The following FBXW10 variants were observed in gnomAD, a reference collection of about 807,000 sequenced individuals.
The protein encoded by FBXW10 is F-box and WD repeat domain containing 10.
A neutral mutation model predicts 113.1 loss-of-function variants in FBXW10; 68 were observed. That is an observed-to-expected ratio of 0.60 (90% CI 0.49 to 0.74). The LOEUF (loss-of-function observed/expected upper bound fraction) is 0.74. Ranked by LOEUF, FBXW10 falls within the 30% of genes least tolerant of loss-of-function variation. The pLI is 0.00. For synonymous variants in FBXW10, 289 were observed against 481.6 expected, an observed-to-expected ratio of 0.60 and a Z score of 5.24; for missense variants, 753 against 1,284.5, an observed-to-expected ratio of 0.59 and a Z score of 6.32.
intron 7 of FBXW10, among the ~76,000 whole-genome samples, chr17:18,759,950 G>C (rs543450107): frequency 2.0e-5 from 3 of 152,260 alleles, no homozygotes; most frequent in African/African-American, 7.2e-5. Flanking sequence ...AAAGAATGCT[G>C]CCAGAGACGG....
chr17:18,751,158 C>T, intron 5 of FBXW10, 105 bp downstream of exon 5: 21 of 1,451,958 alleles, frequency 1.4e-5, no homozygotes, highest in East Asian at 9.3e-5. Flanking sequence ...CAGAGGATCA[C>T]GGCAGGTGAC....
chr17:18,773,859 T>G (rs1379853229), intron 12 of FBXW10, among the ~76,000 whole-genome samples: 2 of 152,160 alleles, frequency 1.3e-5, no homozygotes, highest in African/African-American at 4.8e-5. Context: ...GTGCAAAGTT[T>G]GAGGGCAGCA....
intron 13 of FBXW10, among the ~76,000 whole-genome samples, chr17:18,777,577 TCTGTCGCC>T (rs1176938371): frequency 6.6e-6 from 1 of 151,316 alleles, no homozygotes; most frequent in Non-Finnish European, 1.5e-5. Flanking sequence ...TGAGTCTTGC[TCTGTCGCC>T]CAGGCTGGAG....
chr17:18,774,567 G>A (rs1233037021), intron 12 of FBXW10, among the ~76,000 whole-genome samples: 2 of 152,204 alleles, frequency 1.3e-5, no homozygotes, highest in African/African-American at 4.8e-5. Context: ...GCTGAGGCGG[G>A]TGGATCACCT....
At chr17:18,762,082 C>A (rs1010031397) in intron 7 of FBXW10, among the ~76,000 whole-genome samples, 1 of 151,958 alleles carries the variant, frequency 6.6e-6, no homozygotes, top group African/African-American at 2.4e-5. Context: ...CCTTCCTCAG[C>A]CTCCCGAGTA....
chr17:18,768,988 T>C (rs1197645670), intron 10 of FBXW10, among the ~76,000 whole-genome samples: 1 of 139,956 alleles, frequency 7.1e-6, no homozygotes, highest in Non-Finnish European at 1.5e-5. Context: ...CAGGCTGGAG[T>C]GCAGTGGCGC....
intron 7 of FBXW10, among the ~76,000 whole-genome samples, 164 bp from the exon 8 acceptor site, chr17:18,764,578 C>T (rs2035449984): frequency 6.6e-6 from 1 of 152,168 alleles, no homozygotes; most frequent in Non-Finnish European, 1.5e-5. Context: ...CAAAGTTACA[C>T]CAAATAGGTG....
chr17:18,767,590 T>C (rs1409690457), intron 9 of FBXW10, among the ~76,000 whole-genome samples: 4 of 152,120 alleles, frequency 2.6e-5, no homozygotes, highest in South Asian at 2.1e-4. Flanking sequence ...TTGAAAGTGA[T>C]TGGATGGTCA....
chr17:18,767,722 C>A (rs892663942), intron 9 of FBXW10, among the ~76,000 whole-genome samples: 4 of 152,110 alleles, frequency 2.6e-5, no homozygotes, highest in African/African-American at 9.7e-5. Flanking sequence ...AATTTCCCCA[C>A]CAATCTTGTC....
rs548325264 is a variant in FBXW10 at position 18,770,054 on chromosome 17, C to G, written c.1975C>G (p.Pro659Ala). The change falls in exon 11 of 14, where the codon CCT becomes GCT. Residue 659 changes from proline to alanine, a missense_variant. Pro to Ala is a conservative substitution (Grantham distance 27). Transcript: ENST00000395665. ...KVLKANGRGD[P>A]VLSFFIQGNR... Reference sequence around the variant, plus strand: ...GTTAAAAGCCAATGGCAGAGGTGATCCTGTGCTGTCCTTCTTTATTCAGGG... The same window carrying G: ...GTTAAAAGCCAATGGCAGAGGTGATGCTGTGCTGTCCTTCTTTATTCAGGG... 4.3e-6 allele frequency: 7 copies of G among 1,614,022 alleles called. No homozygotes were observed. Among genetic ancestry groups the G allele is most frequent in the Non-Finnish European group, 5.9e-6 (7 of 1,180,032 alleles).
intron 9 of FBXW10, among the ~76,000 whole-genome samples, chr17:18,768,059 T>C (rs150980523): frequency 1.3e-3 from 112 of 85,386 alleles, no homozygotes; most frequent in African/African-American, 3.5e-3. Context: ...TCCTTCTTTC[T>C]TTCTTTCTTT....
At position 18,744,195 on chromosome 17, in the gene FBXW10, G is replaced by A. The variant is rs369742505; in HGVS notation, c.-50G>A. ...CCCCGTTCCTCTAGTGTTTGGTGGC[G>A]TTGCCGTTGCAAGTGCGCAGGGCTA... On this transcript the variant is annotated 5_prime_UTR_variant, in exon 1 of 14. Transcript: ENST00000395665. 301 of 1,535,396 alleles carry A rather than the reference G, an allele frequency of 2.0e-4. No individual in the cohort carries two copies. The highest frequency in any genetic ancestry group is 8.2e-4 in the Admixed American group (42 of 51,006).
At chr17:18,771,537 A>G (rs1269497142) in intron 11 of FBXW10, among the ~76,000 whole-genome samples, 1 of 152,168 alleles carries the variant, frequency 6.6e-6, no homozygotes, top group Non-Finnish European at 1.5e-5. Context: ...TTTATAAAGT[A>G]TAGATGTTCT....
intron 2 of FBXW10, among the ~76,000 whole-genome samples, chr17:18,749,381 A>G (rs1295230410): frequency 6.6e-6 from 1 of 151,996 alleles, no homozygotes; most frequent in African/African-American, 2.4e-5. Context: ...TACTAAAAAA[A>G]AAAAAAATAC....
chr17:18,749,082 T>G (rs2035102376), intron 2 of FBXW10, among the ~76,000 whole-genome samples: 1 of 152,216 alleles, frequency 6.6e-6, no homozygotes, highest in Non-Finnish European at 1.5e-5. Flanking sequence ...ACTTTACCAA[T>G]TTTATTCCAT....
At chr17:18,755,671 C>T (rs1242309357) in intron 5 of FBXW10, among the ~76,000 whole-genome samples, 3 of 152,086 alleles carry the variant, frequency 2.0e-5, no homozygotes, top group South Asian at 2.1e-4. Flanking sequence ...TATGACGTTC[C>T]GACTTCTGTG....
intron 1 of FBXW10, among the ~76,000 whole-genome samples, chr17:18,747,337 G>A (rs1183056752): frequency 4.6e-5 from 7 of 152,140 alleles, no homozygotes; most frequent in Non-Finnish European, 1.0e-4. Flanking sequence ...GAGGCGGGTG[G>A]ATCACCTGGA....
rs866634648 is a variant in FBXW10, at chr17:18,772,637, A to G, written c.2232A>G (p.Lys744=). 2.5e-6 allele frequency: 4 copies of G among 1,614,052 alleles called. No homozygotes were observed. The Middle Eastern group carries it at 6.6e-4, about 266-fold the overall frequency. The change falls in exon 12 of 14, where the codon AAA becomes AAG. Residue 744 remains lysine, a synonymous_variant. Coordinates refer to ENST00000395665, the MANE Select transcript of FBXW10 (RefSeq NM_001267585.2). ...TGATCCAAGAGCTCCTACCAGGCAA[A>G]CCTCCCAAGTCCCGAGTACTCCTGA... ...QTVIQELLPG[K]PPKSRVLLKP...
At position 18,747,924 on chromosome 17, in the gene FBXW10, G is replaced by C. The variant is rs1391660346; in HGVS notation, c.506-17G>C. Reference sequence around the variant, plus strand: ...CCCGCTTCAAGAGCAACCTTGTCTTGGTCTTCTGTGTTTCAGGGCTCAATC... The same window carrying C: ...CCCGCTTCAAGAGCAACCTTGTCTTCGTCTTCTGTGTTTCAGGGCTCAATC... On this transcript the variant is annotated splice_polypyrimidine_tract_variant and intron_variant, in intron 1 of 13. Coordinates refer to ENST00000395665, the MANE Select transcript of FBXW10 (RefSeq NM_001267585.2). The C allele has an allele frequency of 6.2e-7, 1 of 1,613,574 alleles. No homozygotes were observed. The highest frequency in any genetic ancestry group is 8.5e-7 in the Non-Finnish European group (1 of 1,179,806).
Sources: allele counts gnomAD v4.1 joint callset (sites outside exome capture counted in the v4.1 genomes callset), GRCh38; gene constraint gnomAD v4.1.1; transcripts MANE v1.5; gene names NCBI Gene and HGNC (gene_info 2026-07-23, HGNC 2026-07-21).